FIRRM: variants seen among roughly 807,000 people sequenced by gnomAD.
FIRRM encodes the protein FIGNL1-interacting regulator of recombination and mitosis.
At chr1:169,849,736 C>T in the FIRRM span, 1 of 672,452 alleles carries the variant, frequency 1.5e-6, no homozygotes. Context: ...GGGTACATTA[C>T]TCGTTATCTC....
chr1:169,849,349 A>C, the FIRRM span: 1 of 598,210 alleles, frequency 1.7e-6, no homozygotes, highest in East Asian at 2.9e-5. Flanking sequence ...ATTTGAGTAA[A>C]AGAGTGACAT....
the FIRRM span, among the ~76,000 whole-genome samples, chr1:169,818,603 C>A: frequency 1.3e-5 from 2 of 152,148 alleles, no homozygotes; most frequent in African/African-American, 4.8e-5. Flanking sequence ...TTATCAAGCT[C>A]TTTTATATTT....
chr1:169,804,357 A>G, the FIRRM span: 1 of 858,300 alleles, frequency 1.2e-6, no homozygotes, highest in Non-Finnish European at 1.6e-6. Context: ...ATTGATTTAA[A>G]TCTTACCAAA....
the FIRRM span, among the ~76,000 whole-genome samples, chr1:169,800,159 A>AAGT: frequency 6.6e-6 from 1 of 152,178 alleles, no homozygotes; most frequent in African/African-American, 2.4e-5. Flanking sequence ...TCAGCCTTCC[A>AAGT]AGTAGCTGAG....
the FIRRM span, chr1:169,842,551 A>G: frequency 6.2e-7 from 1 of 1,611,738 alleles, no homozygotes; most frequent in Non-Finnish European, 8.5e-7. Flanking sequence ...TAAGGAAAGC[A>G]ACTGATCCTT....
At chr1:169,845,201 C>G in the FIRRM span, among the ~76,000 whole-genome samples, 1 of 152,158 alleles carries the variant, frequency 6.6e-6, no homozygotes, top group Non-Finnish European at 1.5e-5. Flanking sequence ...TATGTTTACA[C>G]TATACTGTAG....
chr1:169,816,655 T>C, the FIRRM span, among the ~76,000 whole-genome samples: 1 of 152,216 alleles, frequency 6.6e-6, no homozygotes, highest in Admixed American at 6.5e-5. Context: ...TCCTTTCCTC[T>C]TGAGGTCCCA....
At chr1:169,786,807 C>G in the FIRRM span, among the ~76,000 whole-genome samples, 2 of 151,940 alleles carry the variant, frequency 1.3e-5, no homozygotes, top group Non-Finnish European at 2.9e-5. Context: ...TTTTCAGGAT[C>G]TTACAGTGGA....
At chr1:169,798,766 T>G in the FIRRM span, 1 of 383,702 alleles carries the variant, frequency 2.6e-6, no homozygotes. Context: ...CTTAAGTTTT[T>G]AAAAGCAAAA....
At chr1:169,824,397 A>G in the FIRRM span, among the ~76,000 whole-genome samples, 1 of 152,172 alleles carries the variant, frequency 6.6e-6, no homozygotes, top group Non-Finnish European at 1.5e-5. Flanking sequence ...GGTCACTCTC[A>G]TGAGTATACA....
chr1:169,793,565 C>T, the FIRRM span: 2 of 1,614,108 alleles, frequency 1.2e-6, no homozygotes, highest in South Asian at 2.2e-5. Context: ...TTTTCTGTCC[C>T]TCTCTTCTCC....
the FIRRM span, among the ~76,000 whole-genome samples, chr1:169,786,427 T>C: frequency 6.6e-6 from 1 of 152,170 alleles, no homozygotes; most frequent in African/African-American, 2.4e-5. Flanking sequence ...CCTCTGAAGA[T>C]TTTTAAAACG....
chr1:169,795,193 T>A, the FIRRM span: 2 of 1,536,086 alleles, frequency 1.3e-6, no homozygotes, highest in Non-Finnish European at 1.7e-6. Context: ...GGAACTGCCG[T>A]CCGTCCTGCC....
the FIRRM span, among the ~76,000 whole-genome samples, chr1:169,822,121 G>A: frequency 4.3e-4 from 66 of 152,264 alleles, 2 homozygotes; most frequent in Admixed American, 4.3e-3. Flanking sequence ...AATATCAGAT[G>A]GGTAACAACT....
At chr1:169,784,341 A>C in the FIRRM span, among the ~76,000 whole-genome samples, 1 of 152,118 alleles carries the variant, frequency 6.6e-6, no homozygotes, top group Non-Finnish European at 1.5e-5. Context: ...AATCTCCCAC[A>C]GTCACTTGTT....
the FIRRM span, among the ~76,000 whole-genome samples, chr1:169,839,732 A>G: frequency 5.9e-5 from 9 of 152,136 alleles, no homozygotes; most frequent in African/African-American, 2.2e-4. Flanking sequence ...TGCTGTGCAG[A>G]AGCTCTTTAA....
At chr1:169,794,941 C>G in the FIRRM span, 1 of 615,066 alleles carries the variant, frequency 1.6e-6, no homozygotes, top group East Asian at 2.8e-5. Flanking sequence ...AGAAGCCCGA[C>G]TTTCTTTCCG....
At chr1:169,795,978 T>C in the FIRRM span, 1 of 985,032 alleles carries the variant, frequency 1.0e-6, no homozygotes, top group Non-Finnish European at 1.2e-6. Flanking sequence ...ATCCTAGCCT[T>C]TCATGGTAAA....
the FIRRM span, chr1:169,801,117 A>G: frequency 7.5e-6 from 4 of 529,982 alleles, no homozygotes; most frequent in Non-Finnish European, 1.0e-5. Flanking sequence ...ATGTGAGACT[A>G]TAATGGTGTT....
Sources: allele counts gnomAD v4.1 joint callset (sites outside exome capture counted in the v4.1 genomes callset), GRCh38; gene constraint gnomAD v4.1.1; transcripts MANE v1.5; gene names NCBI Gene and HGNC (gene_info 2026-07-23, HGNC 2026-07-21).